The following OSER1 variants were observed in gnomAD, a reference collection of about 807,000 sequenced individuals.
The protein encoded by OSER1 is oxidative stress responsive serine rich 1, also known as oxidative stress-responsive serine-rich protein 1.
In OSER1, 15 loss-of-function variants were observed where a neutral mutation model predicts 26.3. That is an observed-to-expected ratio of 0.57 (90% CI 0.38 to 0.88). OSER1 has a LOEUF of 0.88. Ranked by LOEUF, OSER1 falls within the 40% of genes least tolerant of loss-of-function variation. The probability of loss-of-function intolerance (pLI) is 0.00; values close to 1 mark genes in which losing one functional copy is unlikely to be tolerated. For synonymous variants in OSER1, 127 were observed against 128.2 expected (o/e 0.99, Z 0.07); for missense variants, 313 against 353.9 (o/e 0.88, Z 0.93).
At chr20:44,200,723 T>C (rs907110831) in intron 3 of OSER1, among the ~76,000 whole-genome samples, 1 of 152,098 alleles carries the variant, frequency 6.6e-6, no homozygotes, top group Admixed American at 6.5e-5. Flanking sequence ...ACACAGGAAA[T>C]ACACTGGAGC....
chr20:44,207,719 GC>G (rs2073051969), intron 1 of OSER1: 1 of 152,148 alleles, frequency 6.6e-6, no homozygotes, highest in African/African-American at 2.4e-5. Flanking sequence ...CTTCTCTTTA[GC>G]CTAAAGAAAG....
chr20:44,196,313 C>A lies in OSER1; in HGVS notation c.*739G>T, dbSNP rs74739780. ...TGATAACAAAAAAAAAAAAAAAAAACCGCCATATATTTAAAATGCTGGAGA... is the reference window on the plus strand; with the variant it reads ...TGATAACAAAAAAAAAAAAAAAAAAACGCCATATATTTAAAATGCTGGAGA... On this transcript the variant is annotated 3_prime_UTR_variant, in exon 4 of 4. Coordinates refer to ENST00000255174, the MANE Select transcript of OSER1 (RefSeq NM_016470.8). Among the ~76,000 whole-genome samples the A allele has an allele frequency of 2.0e-3, 145 of 71,930 alleles. No homozygotes were observed. The highest frequency in any genetic ancestry group is 0.012 in the South Asian group (22 of 1,806). 47.2% of individuals were successfully genotyped at this position (71,930 alleles called of 152,430 possible). A position where few individuals can be genotyped will look rare whatever the true frequency, so the allele number is the denominator to read the frequency against.
In OSER1 at chr20:44,198,221, G is replaced by GT. The variant is rs1387197696; in HGVS notation, c.192-483dup. ...GATTTCTGATTCATTTCTATCATTG[G>GT]TAACAGCCAATCAATCAAAACCAAA... is the stretch of plus-strand genomic sequence containing the variant. On this transcript the variant is annotated intron_variant, in intron 3 of 3. Transcript: ENST00000255174. 3.9e-5 allele frequency among the ~76,000 whole-genome samples: 6 copies of GT among 152,252 alleles called. No homozygotes were observed. The South Asian group carries it at 1.2e-3, about 32-fold the overall frequency.
chr20:44,207,892 A>T (rs3761183), intron 1 of OSER1, among the ~76,000 whole-genome samples: 1 of 152,200 alleles, frequency 6.6e-6, no homozygotes, highest in African/African-American at 2.4e-5. Flanking sequence ...AACAAGAAAC[A>T]CAACAGAGAA....
chr20:44,200,007 T>C (rs2072964336), intron 3 of OSER1, among the ~76,000 whole-genome samples: 1 of 152,244 alleles, frequency 6.6e-6, no homozygotes, highest in African/African-American at 2.4e-5. Context: ...GTACAGCTTG[T>C]GGACACTGCT....
rs986100497 is a variant in OSER1 at position 44,210,696 on chromosome 20, C to G, written c.-42G>C. On this transcript the variant is annotated splice_region_variant and 5_prime_UTR_variant, in exon 1 of 4. Coordinates refer to ENST00000255174, the MANE Select transcript of OSER1 (RefSeq NM_016470.8). The stretch of plus-strand genomic sequence containing the variant: ...CTCCCCGTCACGTCAGGGCACTTAC[C>G]TCCTCGCAGCTGGGACGCTCCGGTG... The G allele has an allele frequency of 5.2e-5, 8 of 152,382 alleles. No homozygotes were observed. The highest frequency in any genetic ancestry group is 2.9e-5 in the Non-Finnish European group (2 of 68,148). The allele number at this position is 152,382 out of a possible 1,614,324, so 9.4% of individuals were successfully genotyped here.
In OSER1 at chr20:44,206,942, T is replaced by C; in HGVS notation, c.16A>G (p.Lys6Glu). The C allele has an allele frequency of 6.2e-7, 1 of 1,608,152 alleles. No homozygotes were observed. The highest frequency in any genetic ancestry group is 1.1e-5 in the South Asian group (1 of 90,812). Residue 6 changes from lysine (K) to glutamate (E), a missense_variant, in exon 2 of 4, where the codon AAG becomes GAG. Around this residue, in one of 2 missense-constraint regions of OSER1, gnomAD observed 300 missense variants for 318.3 expected, o/e 0.94. Transcript: ENST00000255174. MKSEA[K>E]DGEEESLQTA... Reference sequence around the variant, plus strand: ...TGTAGACTCTCCTCCTCTCCATCCTTGGCTTCGGATTTCATTGTGCAAGTT... The same window carrying C: ...TGTAGACTCTCCTCCTCTCCATCCTCGGCTTCGGATTTCATTGTGCAAGTT...
intron 1 of OSER1, among the ~76,000 whole-genome samples, chr20:44,208,128 CT>C (rs2073057710): frequency 6.8e-6 from 1 of 147,602 alleles, no homozygotes. Context: ...GCCCCCACCC[CT>C]CTTGGGCATT....
At chr20:44,203,124 G>T (rs751170460) in intron 2 of OSER1, 50 bp from the exon 3 acceptor site, 3 of 961,412 alleles carry the variant, frequency 3.1e-6, no homozygotes, top group Non-Finnish European at 1.7e-6. Context: ...AAAATGAGGA[G>T]AACATATTGT....
intron 1 of OSER1, among the ~76,000 whole-genome samples, chr20:44,207,798 A>G (rs2073053519): frequency 6.6e-6 from 1 of 152,228 alleles, no homozygotes; most frequent in South Asian, 2.1e-4. Flanking sequence ...TCTCTTAACT[A>G]GTTTGATTAA....
intron 1 of OSER1, chr20:44,207,323 T>C: frequency 6.0e-6 from 1 of 167,238 alleles, no homozygotes; most frequent in South Asian, 1.6e-4. Flanking sequence ...TAGAAACCTA[T>C]GAACAAAATG....
intron 1 of OSER1, 99 bp from the exon 2 acceptor site, chr20:44,207,097 A>G (rs1038630428): frequency 1.2e-5 from 7 of 592,820 alleles, no homozygotes; most frequent in African/African-American, 1.1e-4. Context: ...TTTTATTTCA[A>G]AAAGGAAGTT....
At position 44,196,310 on chromosome 20, in the gene OSER1, A is replaced by AAC. The variant is rs1251032928; in HGVS notation, c.*741_*742insGT. ...AACTGATAACAAAAAAAAAAAAAAA[A>AAC]AACCGCCATATATTTAAAATGCTGG... On this transcript the variant is annotated 3_prime_UTR_variant, in exon 4 of 4. Transcript: ENST00000255174. Among the ~76,000 whole-genome samples the AAC allele has an allele frequency of 4.6e-5, 4 of 86,978 alleles. No homozygotes were observed. The highest frequency in any genetic ancestry group is 8.0e-5 in the Non-Finnish European group (4 of 50,282). The allele number at this position is 86,978 out of a possible 152,430, so 57.1% of individuals were successfully genotyped here. A position where few individuals can be genotyped will look rare whatever the true frequency, so the allele number is the denominator to read the frequency against.
At chr20:44,203,291 T>C (rs2073002227) in intron 2 of OSER1, among the ~76,000 whole-genome samples, 1 of 152,182 alleles carries the variant, frequency 6.6e-6, no homozygotes, top group Non-Finnish European at 1.5e-5. Context: ...AAAGAATGAC[T>C]GGTAAGTGTA....
Position 44,208,422 on chromosome 20 carries a change from TA to T in OSER1, c.-41-1425del, listed in dbSNP as rs3037689. Among the ~76,000 whole-genome samples the T allele has an allele frequency of 6.1e-3, 802 of 131,294 alleles. 13 individuals carry two copies. The East Asian group carries it at 0.076, about 12-fold the overall frequency. The allele number at this position is 131,294 out of a possible 152,430, so 86.1% of individuals were successfully genotyped here. Reference sequence around the variant, plus strand: ...AACAGTCTCAAAAGAATTCAGCTACTAAAAAAAAAAAAAAAAATTCAGCCAG... The same window carrying T: ...AACAGTCTCAAAAGAATTCAGCTACTAAAAAAAAAAAAAAAATTCAGCCAG... On this transcript the variant is annotated intron_variant, in intron 1 of 3. Transcript: ENST00000255174.
rs777082232 is a variant in OSER1 at position 44,197,114 on chromosome 20, T to C, written c.817A>G (p.Met273Val). ...DVTIEDLSGYMEYYLYIPKKM... is the reference protein window; with the variant it reads ...DVTIEDLSGYVEYYLYIPKKM... ...TTGGGAATATACAAGTAATACTCCATGTAGCCTGACAGGTCCTCAATGGTC... is the reference window on the plus strand; with the variant it reads ...TTGGGAATATACAAGTAATACTCCACGTAGCCTGACAGGTCCTCAATGGTC... Residue 273 changes from methionine (M) to valine (V), a missense_variant, in exon 4 of 4, where the codon ATG becomes GTG. By Grantham distance (21) the Met-to-Val change is conservative. This residue lies in a region of OSER1 where 13 missense variants were observed against 35.6 expected (regional missense o/e 0.37). Coordinates refer to ENST00000255174, the MANE Select transcript of OSER1 (RefSeq NM_016470.8). 6 of 1,614,090 alleles carry C rather than the reference T, an allele frequency of 3.7e-6. No individual in the cohort carries two copies. Among genetic ancestry groups the C allele is most frequent in the East Asian group, 2.2e-5 (1 of 44,880 alleles).
At chr20:44,204,690 T>C (rs1482567781) in intron 2 of OSER1, among the ~76,000 whole-genome samples, 1 of 152,196 alleles carries the variant, frequency 6.6e-6, no homozygotes, top group Non-Finnish European at 1.5e-5. Context: ...ATTGTTCCCA[T>C]GTCCACGTGT....
At position 44,197,588 on chromosome 20, in the gene OSER1, G is replaced by A; in HGVS notation, c.343C>T (p.Pro115Ser). 1 of 1,614,218 alleles carries A rather than the reference G, an allele frequency of 6.2e-7. No homozygotes were observed. Among genetic ancestry groups the A allele is most frequent in the Non-Finnish European group, 8.5e-7 (1 of 1,180,032 alleles). ...QLKHKSQTDSPDGSSGLGISS... is the reference protein window; with the variant it reads ...QLKHKSQTDSSDGSSGLGISS... ...ATTCCCAGCCCACTGCTGCCATCAG[G>A]TGAGTCAGTCTGGCTTTTGTGCTTG... is the stretch of plus-strand genomic sequence containing the variant. The change falls in exon 4 of 4, where the codon CCT (proline) becomes TCT (serine). Residue 115 changes from proline (P) to serine (S), a missense_variant. Around this residue, in one of 2 missense-constraint regions of OSER1, gnomAD observed 300 missense variants for 318.3 expected, o/e 0.94. Transcript: ENST00000255174.
intron 2 of OSER1, among the ~76,000 whole-genome samples, chr20:44,203,596 G>A (rs747789821): frequency 2.6e-5 from 4 of 151,812 alleles, no homozygotes; most frequent in African/African-American, 7.3e-5. Context: ...AGTAAAGAAC[G>A]TGAAAAAATC....
Sources: allele counts gnomAD v4.1 joint callset (sites outside exome capture counted in the v4.1 genomes callset), GRCh38; gene constraint gnomAD v4.1.1; regional missense constraint gnomAD v4.1.1; transcripts MANE v1.5; gene names NCBI Gene and HGNC (gene_info 2026-07-23, HGNC 2026-07-21).